Variants in SHISA9 observed in about 807,000 individuals in gnomAD.
The protein encoded by SHISA9 is shisa family member 9.
SHISA9 carries 13 observed loss-of-function variants against 38.0 expected under a neutral mutation model. The ratio of observed to expected loss-of-function variants is 0.34; its 90% confidence interval spans 0.22 to 0.54. The LOEUF (loss-of-function observed/expected upper bound fraction) is 0.54, where lower values mean the gene tolerates loss of function less well. Ranked by LOEUF, SHISA9 falls within the 20% of genes least tolerant of loss-of-function variation. The pLI is 0.91. For synonymous variants in SHISA9, 275 were observed against 242.0 expected (o/e 1.14, Z -1.27); for missense variants, 538 against 575.8 (o/e 0.93, Z 0.67).
At chr16:13,191,894 G>A (rs2050888961) in intron 2 of SHISA9, among the ~76,000 whole-genome samples, 2 of 152,182 alleles carry the variant, frequency 1.3e-5, no homozygotes, top group Admixed American at 1.3e-4. Context: ...ACCAGTACTT[G>A]TATGTTCATC....
chr16:13,201,835 A>G (rs2051009149), intron 2 of SHISA9, among the ~76,000 whole-genome samples: 1 of 120,486 alleles, frequency 8.3e-6, no homozygotes, highest in Non-Finnish European at 1.8e-5. Flanking sequence ...AGCCAAGAGC[A>G]ATTCTCTGGG....
At chr16:12,973,855 G>A (rs940303923) in intron 2 of SHISA9, among the ~76,000 whole-genome samples, 22 of 152,230 alleles carry the variant, frequency 1.4e-4, no homozygotes, top group African/African-American at 4.8e-4. Context: ...GTATAGCCTC[G>A]AAAAAGGCTC....
intron 2 of SHISA9, among the ~76,000 whole-genome samples, chr16:12,967,005 T>C (rs746258192): frequency 6.6e-6 from 1 of 152,166 alleles, no homozygotes; most frequent in East Asian, 1.9e-4. Flanking sequence ...GAATAAGACA[T>C]GGTCCTGTTC....
At chr16:13,516,118 G>T in the SHISA9 span, among the ~76,000 whole-genome samples, 1 of 152,172 alleles carries the variant, frequency 6.6e-6, no homozygotes, top group South Asian at 2.1e-4. Flanking sequence ...ATCCCCTTCT[G>T]CAGAGGAAGT....
intron 2 of SHISA9, among the ~76,000 whole-genome samples, chr16:13,179,036 C>G (rs2050755794): frequency 6.6e-6 from 1 of 152,124 alleles, no homozygotes; most frequent in East Asian, 1.9e-4. Flanking sequence ...CATCATCCCT[C>G]TAGGCTGGGC....
At chr16:13,367,660 G>GGA in the SHISA9 span, among the ~76,000 whole-genome samples, 3 of 147,312 alleles carry the variant, frequency 2.0e-5, 1 homozygote, top group Non-Finnish European at 3.0e-5. Context: ...ATGCGGGGGG[G>GGA]AATGAAGATG....
downstream of SHISA9, among the ~76,000 whole-genome samples, chr16:13,244,572 A>G (rs2051458442): frequency 6.6e-6 from 1 of 152,244 alleles, no homozygotes; most frequent in Non-Finnish European, 1.5e-5. Context: ...TACATAAAAT[A>G]CACATAGCAT....
the SHISA9 span, among the ~76,000 whole-genome samples, chr16:13,297,244 G>C: frequency 3.3e-5 from 5 of 152,072 alleles, no homozygotes; most frequent in Non-Finnish European, 5.9e-5. Context: ...AAATGGTTTT[G>C]TTCATCATTC....
the SHISA9 span, among the ~76,000 whole-genome samples, chr16:13,448,342 G>A: frequency 3.9e-5 from 6 of 152,146 alleles, no homozygotes; most frequent in Non-Finnish European, 7.4e-5. Context: ...GGCCATTATC[G>A]AGTCTGACCT....
the SHISA9 span, among the ~76,000 whole-genome samples, chr16:13,292,187 G>T: frequency 1.3e-4 from 20 of 151,992 alleles, no homozygotes; most frequent in Non-Finnish European, 2.5e-4. Flanking sequence ...CAAGACCCTT[G>T]TTTCTAAGAG....
chr16:13,423,326 C>G, the SHISA9 span, among the ~76,000 whole-genome samples: 1 of 152,218 alleles, frequency 6.6e-6, no homozygotes. Flanking sequence ...AGATTGTTTT[C>G]TTTATTTTTG....
chr16:13,410,210 G>C, the SHISA9 span, among the ~76,000 whole-genome samples: 16 of 152,278 alleles, frequency 1.1e-4, no homozygotes, highest in Non-Finnish European at 1.8e-4. Context: ...GTTCAGGATA[G>C]GTCTTTAGTC....
At chr16:13,517,063 T>C in the SHISA9 span, among the ~76,000 whole-genome samples, 1 of 152,324 alleles carries the variant, frequency 6.6e-6, no homozygotes, top group East Asian at 1.9e-4. Context: ...GATATAATTA[T>C]TTCAGTTGGG....
At chr16:12,978,792 T>A (rs550187529) in intron 2 of SHISA9, among the ~76,000 whole-genome samples, 1 of 152,202 alleles carries the variant, frequency 6.6e-6, no homozygotes, top group African/African-American at 2.4e-5. Flanking sequence ...CTTAAAAATA[T>A]ATGGATTGAT....
At chr16:13,455,454 G>C in the SHISA9 span, among the ~76,000 whole-genome samples, 3 of 152,100 alleles carry the variant, frequency 2.0e-5, no homozygotes, top group Non-Finnish European at 4.4e-5. Flanking sequence ...GTAAAAAGGA[G>C]TCCAAAGAAA....
At chr16:12,922,067 G>T (rs1263795039) in intron 2 of SHISA9, among the ~76,000 whole-genome samples, 1 of 152,206 alleles carries the variant, frequency 6.6e-6, no homozygotes, top group Non-Finnish European at 1.5e-5. Flanking sequence ...GCCAGTCAGG[G>T]CCCCAAGGTC....
At chr16:12,905,496 A>G (rs1384401103) in intron 1 of SHISA9, among the ~76,000 whole-genome samples, 1 of 151,938 alleles carries the variant, frequency 6.6e-6, no homozygotes, top group Admixed American at 6.6e-5. Flanking sequence ...TTGGGGAAAC[A>G]TTGGTCTTGG....
intron 2 of SHISA9, among the ~76,000 whole-genome samples, chr16:13,117,655 G>A (rs942326571): frequency 1.1e-4 from 16 of 152,206 alleles, no homozygotes; most frequent in African/African-American, 3.9e-4. Flanking sequence ...GAAGCTGGAG[G>A]AGACAAGGGA....
At chr16:13,152,427 T>C (rs963377174) in intron 2 of SHISA9, among the ~76,000 whole-genome samples, 1 of 152,182 alleles carries the variant, frequency 6.6e-6, no homozygotes, top group Non-Finnish European at 1.5e-5. Flanking sequence ...AACAAATACA[T>C]GATCTATTGG....
Sources: gnomAD v4.1 joint callset for allele counts (sites outside exome capture counted in the v4.1 genomes callset) on GRCh38, gnomAD v4.1.1 for gene constraint, MANE v1.5 for transcripts, NCBI Gene and HGNC (gene_info 2026-07-23, HGNC 2026-07-21) for gene names.